Variants in GABRA3 observed in about 807,000 individuals in gnomAD.
GABRA3 encodes the protein gamma-aminobutyric acid type A receptor subunit alpha3.
In GABRA3, 10 loss-of-function variants were observed where a neutral mutation model predicts 30.1. The ratio of observed to expected loss-of-function variants is 0.33; its 90% CI spans 0.20 to 0.56. GABRA3 has a LOEUF of 0.56. GABRA3 is among the 20% of genes least tolerant of loss of function. GABRA3 has a pLI of 0.89. For synonymous variants in GABRA3, 151 were observed against 146.8 expected, an observed-to-expected ratio of 1.03 and a Z score of -0.21; for missense variants, 233 against 392.0, an observed-to-expected ratio of 0.59 and a Z score of 3.42.
chrX:152,270,425 G>A (rs1055487082), intron 4 of GABRA3, among the ~76,000 whole-genome samples: 33 of 111,715 alleles, frequency 3.0e-4, no homozygotes, highest in African/African-American at 1.1e-3. Flanking sequence ...GTTCTTTATG[G>A]CAGTGTGAGA....
At chrX:152,379,735 A>G (rs1269788077) in intron 1 of GABRA3, among the ~76,000 whole-genome samples, 1 of 112,183 alleles carries the variant, frequency 8.9e-6, no homozygotes, top group Non-Finnish European at 1.9e-5. Context: ...AGCAAACAAT[A>G]GCCTCTTGAA....
At chrX:152,413,217 G>C (rs756389420) in intron 1 of GABRA3, among the ~76,000 whole-genome samples, 1 of 109,374 alleles carries the variant, frequency 9.1e-6, no homozygotes, top group Admixed American at 9.8e-5. Flanking sequence ...CTTCACTAGA[G>C]AATTTACCAT....
chrX:152,275,199 T>TTTATATTTAATA (rs1569378140), intron 4 of GABRA3, among the ~76,000 whole-genome samples: 728 of 65,665 alleles, frequency 0.011, 46 homozygotes, highest in African/African-American at 0.049. Flanking sequence ...ATATATATAA[T>TTTATATTTAATA]TTATATATAT....
chrX:152,241,096 TTTCTG>T (rs1938355070), intron 5 of GABRA3, among the ~76,000 whole-genome samples: 1 of 108,246 alleles, frequency 9.2e-6, no homozygotes, highest in Non-Finnish European at 1.9e-5. Flanking sequence ...GTTTCCAGTT[TTTCTG>T]TTCTGTTTTT....
At chrX:152,420,246 C>T (rs1340512441) in intron 1 of GABRA3, among the ~76,000 whole-genome samples, 1 of 111,183 alleles carries the variant, frequency 9.0e-6, no homozygotes, top group Admixed American at 9.6e-5. Flanking sequence ...TGCTTACGTT[C>T]AGCATTGTAC....
chrX:152,408,952 A>T (rs181707794), intron 1 of GABRA3, among the ~76,000 whole-genome samples: 1 of 112,262 alleles, frequency 8.9e-6, no homozygotes, highest in East Asian at 2.8e-4. Flanking sequence ...CAAAGATGAC[A>T]AGAACATACA....
At chrX:152,438,401 G>T (rs991939921) in intron 1 of GABRA3, among the ~76,000 whole-genome samples, 7 of 112,347 alleles carry the variant, frequency 6.2e-5, no homozygotes, top group Non-Finnish European at 9.4e-5. Flanking sequence ...CAGTCAGGCA[G>T]TTTCTTACAA....
chrX:152,258,153 A>AT (rs1938668664), intron 4 of GABRA3, among the ~76,000 whole-genome samples: 1 of 112,157 alleles, frequency 8.9e-6, no homozygotes, highest in Non-Finnish European at 1.9e-5. Context: ...TCCAGTAGTG[A>AT]TTATGAAAAA....
At chrX:152,279,674 G>C in intron 4 of GABRA3, among the ~76,000 whole-genome samples, 1 of 111,326 alleles carries the variant, frequency 9.0e-6, no homozygotes, top group Non-Finnish European at 1.9e-5. Flanking sequence ...TGATGGGGAT[G>C]GCAATGAATC....
At chrX:152,221,744 G>C (rs993159658) in intron 6 of GABRA3, among the ~76,000 whole-genome samples, 2 of 111,595 alleles carry the variant, frequency 1.8e-5, no homozygotes, top group African/African-American at 6.5e-5. Flanking sequence ...AAGTTCAGGG[G>C]TACATATGCA....
At chrX:152,265,180 G>C (rs1404433915) in intron 4 of GABRA3, among the ~76,000 whole-genome samples, 2 of 111,249 alleles carry the variant, frequency 1.8e-5, no homozygotes, top group East Asian at 5.6e-4. Context: ...TTCCTCCAAT[G>C]GTTGCAGAAT....
rs181678896 is a variant in GABRA3 at position 152,335,679 on chromosome X, T to C, written c.262+9902A>G. ...TGTGTTACCTGGATATATTGCATAG[T>C]GGTGATGTCTGGGCTTTTACTATAC... On this transcript the variant is annotated intron_variant, in intron 3 of 9. Transcript: ENST00000370314. Among the ~76,000 whole-genome samples, 16 of 112,033 alleles carry C rather than the reference T, an allele frequency of 1.4e-4. No individual in the cohort carries two copies. In the Admixed American group the frequency reaches 1.5e-3, roughly 11 times the overall value.
At chrX:152,325,827 G>A (rs1028991376) in intron 3 of GABRA3, among the ~76,000 whole-genome samples, 9 of 111,635 alleles carry the variant, frequency 8.1e-5, no homozygotes, top group African/African-American at 2.9e-4. Flanking sequence ...CACCAGCAAC[G>A]GAACAAAGCT....
chrX:152,216,513 G>A (rs939672570), intron 6 of GABRA3, among the ~76,000 whole-genome samples: 1 of 108,211 alleles, frequency 9.2e-6, no homozygotes, highest in Non-Finnish European at 1.9e-5. Flanking sequence ...AAAATTGCAG[G>A]ACATTATGTT....
At chrX:152,419,061 T>C (rs777635781) in intron 1 of GABRA3, among the ~76,000 whole-genome samples, 4 of 110,197 alleles carry the variant, frequency 3.6e-5, no homozygotes, top group East Asian at 5.8e-4. Flanking sequence ...AAACACCGCA[T>C]GCTCTCACTC....
intron 3 of GABRA3, among the ~76,000 whole-genome samples, chrX:152,291,216 G>T (rs1224286589): frequency 9.0e-6 from 1 of 111,485 alleles, no homozygotes; most frequent in Non-Finnish European, 1.9e-5. Context: ...AGCTCTCCTT[G>T]AAGAGGTCCT....
chrX:152,307,017 C>G (rs1038125132), intron 3 of GABRA3, among the ~76,000 whole-genome samples: 2 of 110,639 alleles, frequency 1.8e-5, no homozygotes, highest in Admixed American at 9.7e-5. Context: ...ACTGTTCACT[C>G]TTATTCCTGC....
chrX:152,335,938 CTT>C (rs1441439459), intron 3 of GABRA3, among the ~76,000 whole-genome samples: 1 of 111,307 alleles, frequency 9.0e-6, no homozygotes, highest in Non-Finnish European at 1.9e-5. Flanking sequence ...CCAGGTTGCT[CTT>C]AAACTCCTAG....
At chrX:152,394,112 T>A (rs1222307517) in intron 1 of GABRA3, among the ~76,000 whole-genome samples, 3 of 111,534 alleles carry the variant, frequency 2.7e-5, no homozygotes, top group Admixed American at 1.9e-4. Context: ...TTATGTATAA[T>A]AGCTTATACA....
Sources: gnomAD v4.1 joint callset for allele counts (sites outside exome capture counted in the v4.1 genomes callset) on GRCh38, gnomAD v4.1.1 for gene constraint, MANE v1.5 for transcripts, NCBI Gene and HGNC (gene_info 2026-07-23, HGNC 2026-07-21) for gene names.